VOPP1: variants seen among roughly 807,000 people sequenced by gnomAD.
The protein encoded by VOPP1 is VOPP1 WW domain binding protein.
A neutral mutation model predicts 23.5 loss-of-function variants in VOPP1; 8 were observed. The ratio of observed to expected loss-of-function variants is 0.34; its 90% CI spans 0.20 to 0.61. The LOEUF is 0.61. VOPP1 is among the 20% of genes least tolerant of loss of function. The pLI, the probability that VOPP1 is intolerant of heterozygous loss-of-function variation, is 0.78. For missense variants in VOPP1, 174 were observed against 238.1 expected, an observed-to-expected ratio of 0.73 and a Z score of 1.77; for synonymous variants, 83 against 97.3, an observed-to-expected ratio of 0.85 and a Z score of 0.86.
In VOPP1 at chr7:55,492,400, G is replaced by A. The variant is rs558406131; in HGVS notation, c.210C>T (p.Gly70=). 121 of 1,611,020 alleles carry A rather than the reference G, an allele frequency of 7.5e-5. No homozygotes were observed. The highest frequency in any genetic ancestry group is 2.7e-4 in the Admixed American group (16 of 59,700). ...AGCCGGCTCCGCAGCAGAAAAGCAC[G>A]CCCATCATCAGAAGGAACCTGAGGA... ...LWYFWFLLMM[G]VLFCCGAGFF... Residue 70 remains glycine, a synonymous_variant, in exon 4 of 5, where the codon GGC becomes GGT. Transcript: ENST00000285279.
chr7:55,533,432 G>A (rs1010920825), intron 1 of VOPP1, among the ~76,000 whole-genome samples: 4 of 151,920 alleles, frequency 2.6e-5, no homozygotes, highest in African/African-American at 4.8e-5. Context: ...ATTTCCCTGT[G>A]CCAAGAAAAA....
intron 1 of VOPP1, among the ~76,000 whole-genome samples, chr7:55,525,467 C>G (rs1017273979): frequency 1.4e-5 from 2 of 147,676 alleles, no homozygotes; most frequent in South Asian, 4.3e-4. Flanking sequence ...CCAGCCTGGG[C>G]GACAGAGCGA....
At chr7:55,528,067 G>A (rs1477505309) in intron 1 of VOPP1, among the ~76,000 whole-genome samples, 1 of 152,038 alleles carries the variant, frequency 6.6e-6, no homozygotes, top group African/African-American at 2.4e-5. Context: ...GAGAACAAAT[G>A]TTATTTAAAA....
At chr7:55,549,637 T>C (rs896199647) in intron 1 of VOPP1, among the ~76,000 whole-genome samples, 3 of 152,208 alleles carry the variant, frequency 2.0e-5, no homozygotes, top group African/African-American at 7.2e-5. Flanking sequence ...GCCGTGTACC[T>C]TGGGCCCTGG....
At chr7:55,465,383 C>T (rs903151175) in intron 4 of VOPP1, among the ~76,000 whole-genome samples, 1 of 151,964 alleles carries the variant, frequency 6.6e-6, no homozygotes, top group African/African-American at 2.4e-5. Flanking sequence ...AAGACAAGAA[C>T]GGTAGGTGAT....
intron 4 of VOPP1, among the ~76,000 whole-genome samples, chr7:55,481,599 T>C (rs777497970): frequency 7.2e-5 from 11 of 152,242 alleles, no homozygotes; most frequent in East Asian, 1.9e-4. Flanking sequence ...TCCCACCTTT[T>C]TGACTCAATA....
intron 4 of VOPP1, among the ~76,000 whole-genome samples, chr7:55,482,101 G>A (rs1332186176): frequency 1.3e-5 from 2 of 151,972 alleles, no homozygotes; most frequent in Non-Finnish European, 1.5e-5. Context: ...TTTTATAAAA[G>A]GTGATTTTTA....
At chr7:55,523,421 T>A (rs559837010) in intron 1 of VOPP1, among the ~76,000 whole-genome samples, 1 of 151,890 alleles carries the variant, frequency 6.6e-6, no homozygotes, top group Non-Finnish European at 1.5e-5. Flanking sequence ...GGACAGAGTA[T>A]GTGAAAGTTG....
At chr7:55,499,970 C>A (rs1338860997) in intron 2 of VOPP1, among the ~76,000 whole-genome samples, 1 of 152,082 alleles carries the variant, frequency 6.6e-6, no homozygotes, top group African/African-American at 2.4e-5. Flanking sequence ...GAGAAGGGAG[C>A]AGTCGAGGGA....
intron 2 of VOPP1, among the ~76,000 whole-genome samples, chr7:55,511,425 GC>G (rs1452132711): frequency 6.6e-6 from 1 of 152,168 alleles, no homozygotes; most frequent in Non-Finnish European, 1.5e-5. Flanking sequence ...ACTATAAATA[GC>G]CTCATGTCTG....
At chr7:55,506,567 C>A (rs566305748) in intron 2 of VOPP1, among the ~76,000 whole-genome samples, 3 of 151,220 alleles carry the variant, frequency 2.0e-5, no homozygotes, top group Non-Finnish European at 2.9e-5. Flanking sequence ...AAACTCCTGA[C>A]CTCAGGTGAT....
chr7:55,444,543 A>AT (rs56027251), intron 4 of VOPP1, among the ~76,000 whole-genome samples: 48,709 of 151,874 alleles, frequency 0.32, 8,311 homozygotes, highest in East Asian at 0.55. Context: ...AAGGGCACAA[A>AT]TATCAGGAGG....
chr7:55,546,258 T>C (rs1797363190), intron 1 of VOPP1, among the ~76,000 whole-genome samples: 1 of 152,190 alleles, frequency 6.6e-6, no homozygotes, highest in Admixed American at 6.5e-5. Flanking sequence ...TCGAGGGAGA[T>C]GTAGACAGGA....
intron 1 of VOPP1, among the ~76,000 whole-genome samples, chr7:55,551,865 C>A (rs1027054825): frequency 1.3e-5 from 2 of 152,022 alleles, no homozygotes; most frequent in African/African-American, 4.8e-5. Flanking sequence ...CATGGTGAAT[C>A]CCCGTCTCTA....
intron 1 of VOPP1, among the ~76,000 whole-genome samples, chr7:55,544,520 A>C (rs1276215935): frequency 6.6e-6 from 1 of 152,228 alleles, no homozygotes; most frequent in African/African-American, 2.4e-5. Flanking sequence ...TTTCTTGAAA[A>C]GAAAACAGTC....
chr7:55,516,960 T>A (rs1215749080), intron 2 of VOPP1, among the ~76,000 whole-genome samples: 2 of 107,492 alleles, frequency 1.9e-5, no homozygotes, highest in Non-Finnish European at 4.0e-5. Flanking sequence ...TTTTTTTTTT[T>A]TTTGAGACGG....
At chr7:55,566,199 G>C (rs890876162) in intron 1 of VOPP1, among the ~76,000 whole-genome samples, 42 of 152,290 alleles carry the variant, frequency 2.8e-4, no homozygotes, top group African/African-American at 1.0e-3. Flanking sequence ...GGAGTTTCCA[G>C]ACCAGCGCAA....
chr7:55,547,482 T>G (rs546809930), intron 1 of VOPP1, among the ~76,000 whole-genome samples: 6 of 152,314 alleles, frequency 3.9e-5, no homozygotes, highest in African/African-American at 1.4e-4. Flanking sequence ...CAATAAACCT[T>G]GCCAACTTTT....
intron 1 of VOPP1, among the ~76,000 whole-genome samples, chr7:55,536,741 T>TG (rs1796817188): frequency 1.3e-5 from 2 of 152,166 alleles, no homozygotes; most frequent in Non-Finnish European, 2.9e-5. Flanking sequence ...CAAGGAGCAC[T>TG]GGCCCAGGCA....
Sources: gnomAD v4.1 joint callset for allele counts (sites outside exome capture counted in the v4.1 genomes callset) on GRCh38, gnomAD v4.1.1 for gene constraint, MANE v1.5 for transcripts, NCBI Gene and HGNC (gene_info 2026-07-23, HGNC 2026-07-21) for gene names.